The following CNTN4 variants were observed in gnomAD, a reference collection of about 807,000 sequenced individuals.
The protein encoded by CNTN4 is contactin-4.
A neutral mutation model predicts 122.5 loss-of-function variants in CNTN4; 77 were observed. That is an observed-to-expected ratio of 0.63 (90% CI 0.52 to 0.76). CNTN4 has a LOEUF of 0.76. CNTN4 is among the 30% of genes least tolerant of loss of function. The pLI is 0.00. For missense variants in CNTN4, 1,256 were observed against 1,259.1 expected (o/e 1.00, Z 0.04); for synonymous variants, 512 against 447.0 (o/e 1.15, Z -1.83).
At chr3:3,027,516 C>T (rs918049744) in intron 15 of CNTN4, among the ~76,000 whole-genome samples, 1 of 152,056 alleles carries the variant, frequency 6.6e-6, no homozygotes, top group African/African-American at 2.4e-5. Context: ...ATCCTGAGGT[C>T]TAGGAAAGTA....
chr3:3,039,844 A>G, intron 19 of CNTN4, 193 bp from the exon 20 acceptor site: 4 of 604,538 alleles, frequency 6.6e-6, no homozygotes, highest in South Asian at 1.8e-5. Flanking sequence ...TACGTTTTCA[A>G]CCCTGTCCAG....
chr3:2,468,840 A>G (rs984268489), intron 3 of CNTN4, among the ~76,000 whole-genome samples: 1 of 152,154 alleles, frequency 6.6e-6, no homozygotes, highest in Non-Finnish European at 1.5e-5. Flanking sequence ...GGGGAAAGGG[A>G]TGCACCATTA....
At chr3:2,675,485 T>C (rs1157586053) in intron 4 of CNTN4, among the ~76,000 whole-genome samples, 1 of 152,222 alleles carries the variant, frequency 6.6e-6, no homozygotes, top group Non-Finnish European at 1.5e-5. Flanking sequence ...CCTATTTTGA[T>C]AGCGCTTATC....
intron 2 of CNTN4, among the ~76,000 whole-genome samples, chr3:2,121,442 G>A (rs1301331328): frequency 6.7e-6 from 1 of 148,928 alleles, no homozygotes; most frequent in African/African-American, 2.5e-5. Context: ...AGGTTGCAGT[G>A]AGCCGAGATC....
chr3:2,269,633 C>T (rs986077158), intron 2 of CNTN4, among the ~76,000 whole-genome samples: 1 of 151,888 alleles, frequency 6.6e-6, no homozygotes, highest in East Asian at 1.9e-4. Context: ...AATGAGGTCC[C>T]GCAAAGAATT....
chr3:2,806,302 C>T (rs945131082), intron 6 of CNTN4, among the ~76,000 whole-genome samples: 3 of 152,180 alleles, frequency 2.0e-5, no homozygotes, highest in Admixed American at 6.5e-5. Flanking sequence ...CACTGATGTG[C>T]GTATCATATC....
rs73114628 is a variant in CNTN4 at position 2,905,372 on chromosome 3, C to A, written c.1207+2367C>A. ...ACCAGGGTGCCAGCATGGCCGGGTT[C>A]CGGTGAAGTCCCCCTTCTGGGTTGC... is the stretch of plus-strand genomic sequence containing the variant. On this transcript the variant is annotated intron_variant, in intron 12 of 24. Transcript: ENST00000418658. Among the ~76,000 whole-genome samples, 1,226 of 152,326 alleles carry A rather than the reference C, an allele frequency of 8.0e-3. 19 individuals are homozygous for A. The highest frequency in any genetic ancestry group is 0.028 in the African/African-American group (1,165 of 41,572).
At chr3:2,416,527 C>G (rs1321072121) in intron 3 of CNTN4, among the ~76,000 whole-genome samples, 1 of 152,166 alleles carries the variant, frequency 6.6e-6, no homozygotes, top group African/African-American at 2.4e-5. Context: ...GAATATTGAG[C>G]TTCATTAGTG....
intron 3 of CNTN4, among the ~76,000 whole-genome samples, chr3:2,439,516 G>C (rs2048361469): frequency 6.6e-6 from 1 of 152,010 alleles, no homozygotes. Flanking sequence ...ATCATTGAAA[G>C]AACTATAGAG....
chr3:2,847,099 A>G (rs2093468992), intron 7 of CNTN4, among the ~76,000 whole-genome samples: 2 of 151,682 alleles, frequency 1.3e-5, no homozygotes, highest in Non-Finnish European at 2.9e-5. Flanking sequence ...CCTGGGCTGA[A>G]TTTTGTGAGT....
chr3:2,395,468 C>G (rs903897444), intron 3 of CNTN4, among the ~76,000 whole-genome samples: 1 of 152,110 alleles, frequency 6.6e-6, no homozygotes, highest in Non-Finnish European at 1.5e-5. Flanking sequence ...CTTTTAGGAT[C>G]ACATGGTACA....
At chr3:2,614,192 A>T (rs1331842089) in intron 4 of CNTN4, among the ~76,000 whole-genome samples, 1 of 152,182 alleles carries the variant, frequency 6.6e-6, no homozygotes, top group Non-Finnish European at 1.5e-5. Context: ...AGGAGCCACC[A>T]TGGAAACACC....
At chr3:2,353,364 G>A (rs1161302657) in intron 3 of CNTN4, among the ~76,000 whole-genome samples, 5 of 152,130 alleles carry the variant, frequency 3.3e-5, no homozygotes, top group African/African-American at 1.2e-4. Context: ...GTCAGATAAG[G>A]GAATAAAAGC....
chr3:2,165,323 TAA>T (rs1174087198), intron 2 of CNTN4, among the ~76,000 whole-genome samples: 13 of 142,598 alleles, frequency 9.1e-5, no homozygotes, highest in Admixed American at 1.4e-4. Flanking sequence ...GACTGCATCT[TAA>T]AAAAAAAAAA....
intron 3 of CNTN4, among the ~76,000 whole-genome samples, chr3:2,388,356 C>G (rs1484515195): frequency 6.6e-6 from 1 of 152,180 alleles, no homozygotes; most frequent in Non-Finnish European, 1.5e-5. Flanking sequence ...CATTGCCATT[C>G]TCAGTGGATG....
chr3:2,636,940 G>GTTTT (rs34067643), intron 4 of CNTN4, among the ~76,000 whole-genome samples: 33 of 95,104 alleles, frequency 3.5e-4, no homozygotes, highest in Non-Finnish European at 4.5e-4. Flanking sequence ...TTTTTTTTTG[G>GTTTT]TTTTTTTTTT....
At chr3:2,396,166 A>G (rs1390980979) in intron 3 of CNTN4, among the ~76,000 whole-genome samples, 1 of 151,956 alleles carries the variant, frequency 6.6e-6, no homozygotes, top group Admixed American at 6.6e-5. Flanking sequence ...CTGGGACCAC[A>G]AGCATGCACC....
chr3:2,976,262 G>A (rs1053431546), intron 13 of CNTN4, among the ~76,000 whole-genome samples: 3 of 152,018 alleles, frequency 2.0e-5, no homozygotes, highest in African/African-American at 7.3e-5. Context: ...TATTTTAAAG[G>A]GCTTTCAAAC....
At chr3:2,806,951 G>C (rs1255409850) in intron 6 of CNTN4, among the ~76,000 whole-genome samples, 2 of 152,060 alleles carry the variant, frequency 1.3e-5, no homozygotes, top group African/African-American at 4.8e-5. Flanking sequence ...GGTTTCTCTA[G>C]CTTATTTTTC....
Sources: gnomAD v4.1 joint callset for allele counts (sites outside exome capture counted in the v4.1 genomes callset) on GRCh38, gnomAD v4.1.1 for gene constraint, MANE v1.5 for transcripts, NCBI Gene and HGNC (gene_info 2026-07-23, HGNC 2026-07-21) for gene names.